Variants in ZNF740 observed in about 807,000 individuals in gnomAD.
ZNF740 encodes oriLyt TD-element-binding protein 7.
A neutral mutation model predicts 24.8 loss-of-function variants in ZNF740; 14 were observed. The ratio of observed to expected loss-of-function variants is 0.56; its 90% CI spans 0.37 to 0.88. ZNF740 has a LOEUF of 0.88. Among genes scored for constraint, ZNF740 ranks in the 40% least tolerant of loss-of-function variants. ZNF740 has a pLI of 0.00. For synonymous variants in ZNF740, 69 were observed against 84.0 expected (o/e 0.82, Z 0.98); for missense variants, 201 against 247.9 (o/e 0.81, Z 1.27).
Position 53,194,539 on chromosome 12 carries a change from G to A in ZNF740, c.*6949G>A. 1.8e-6 allele frequency: 1 copy of A among 562,192 alleles called. No homozygotes were observed. Among genetic ancestry groups the A allele is most frequent in the Admixed American group, 3.1e-5 (1 of 32,758 alleles). 34.8% of individuals were successfully genotyped at this position (562,192 alleles called of 1,614,324 possible). A position where few individuals can be genotyped will look rare whatever the true frequency, so the allele number is the denominator to read the frequency against. On this transcript the variant is annotated 3_prime_UTR_variant, in exon 7 of 7. Coordinates refer to ENST00000416904, the MANE Select transcript of ZNF740 (RefSeq NM_001004304.4). ...CCTTGCATAGAACATACAGGATCCA[G>A]AGGCCTCTAATACAGCATTTCAGTG...
At position 53,190,190 on chromosome 12, in the gene ZNF740, A is replaced by C. The variant is rs1941903616; in HGVS notation, c.*2600A>C. The C allele has an allele frequency of 6.6e-6, 1 of 152,646 alleles. No homozygotes were observed. The highest frequency in any genetic ancestry group is 1.9e-4 in the East Asian group (1 of 5,188). The allele number at this position is 152,646 out of a possible 1,614,324, so 9.5% of individuals were successfully genotyped here. A position where few individuals can be genotyped will look rare whatever the true frequency, so the allele number is the denominator to read the frequency against. On this transcript the variant is annotated 3_prime_UTR_variant, in exon 7 of 7. Coordinates refer to ENST00000416904, the MANE Select transcript of ZNF740 (RefSeq NM_001004304.4). ...TGAGAAGAGAGGCGCAAAGCAGTGA[A>C]AGGAGTGATTTGGCATCCAGAGGGC...
intron 6 of ZNF740, among the ~76,000 whole-genome samples, chr12:53,187,234 G>C (rs537400983): frequency 6.6e-6 from 1 of 152,166 alleles, no homozygotes; most frequent in African/African-American, 2.4e-5. Flanking sequence ...TTTTAGCCTC[G>C]CTTTGCAGTT....
At position 53,193,606 on chromosome 12, in the gene ZNF740, G is replaced by A. The variant is rs907534120; in HGVS notation, c.*6016G>A. On this transcript the variant is annotated 3_prime_UTR_variant, in exon 7 of 7. Coordinates refer to ENST00000416904, the MANE Select transcript of ZNF740 (RefSeq NM_001004304.4). Reference sequence around the variant, plus strand: ...AAACTGAGTGGGGAGTCGGGATGTCGAGGAGACTCCTGTGGGGGGGATGGA... The same window carrying A: ...AAACTGAGTGGGGAGTCGGGATGTCAAGGAGACTCCTGTGGGGGGGATGGA... 19 of 1,060,664 alleles carry A rather than the reference G, an allele frequency of 1.8e-5. No homozygotes were observed. The South Asian group carries it at 2.3e-4, about 13-fold the overall frequency. 65.7% of individuals were successfully genotyped at this position (1,060,664 alleles called of 1,614,324 possible).
rs1029470975 is a variant in ZNF740, at chr12:53,189,493, TA to T, written c.*1904del. 18 of 152,140 alleles carry T rather than the reference TA, an allele frequency of 1.2e-4. No individual in the cohort carries two copies. Among genetic ancestry groups the T allele is most frequent in the African/African-American group, 4.3e-4 (18 of 41,436 alleles). The allele number at this position is 152,140 out of a possible 1,614,324, so 9.4% of individuals were successfully genotyped here. ...GAGGGGGTTGTCCATACCTCTGTGG[TA>T]TGAGTATTTCAGGGAAAAAGAAAGC... On this transcript the variant is annotated 3_prime_UTR_variant, in exon 7 of 7. Coordinates refer to ENST00000416904, the MANE Select transcript of ZNF740 (RefSeq NM_001004304.4).
Position 53,184,950 on chromosome 12 carries a change from CAAG to C in ZNF740, c.74_76del (p.Lys25del). On this transcript the variant is annotated inframe_deletion, in exon 3 of 7. Transcript: ENST00000416904. ...TGAGTTTGGTTCCCACTGCAGCCAG[CAAG>C]AAGATGATGCTGAGCCAGATTGCCA... The C allele has an allele frequency of 4.3e-6, 7 of 1,613,990 alleles. No homozygotes were observed. The highest frequency in any genetic ancestry group is 5.9e-6 in the Non-Finnish European group (7 of 1,179,894).
intron 6 of ZNF740, 52 bp from the exon 7 acceptor site, chr12:53,187,449 A>G: frequency 4.0e-6 from 6 of 1,502,340 alleles, no homozygotes; most frequent in Non-Finnish European, 5.5e-6. Flanking sequence ...GAGTTAGCCA[A>G]CAGGTAGCTG....
At position 53,192,003 on chromosome 12, in the gene ZNF740, C is replaced by T. The variant is rs140105532; in HGVS notation, c.*4413C>T. On this transcript the variant is annotated 3_prime_UTR_variant, in exon 7 of 7. Transcript: ENST00000416904. Reference sequence around the variant, plus strand: ...CTACGCAGCCCAGCACAATGGCCTGCGTGTGGTCTGCTCCCTCTGTGAACA... The same window carrying T: ...CTACGCAGCCCAGCACAATGGCCTGTGTGTGGTCTGCTCCCTCTGTGAACA... The T allele has an allele frequency of 1.6e-4, 265 of 1,612,882 alleles. No homozygotes were observed. The African/African-American group carries it at 2.5e-3, about 15-fold the overall frequency.
chr12:53,184,144 T>TGTGTGTGTGC (rs1555175883), intron 2 of ZNF740, among the ~76,000 whole-genome samples: 2 of 105,150 alleles, frequency 1.9e-5, no homozygotes, highest in Non-Finnish European at 4.1e-5. Flanking sequence ...TGTGTGTGTG[T>TGTGTGTGTGC]GTGTGTGCGC....
intron 2 of ZNF740, 196 bp downstream of exon 2, chr12:53,182,188 GAGGTA>G (rs1565688290): frequency 2.9e-6 from 2 of 699,124 alleles, no homozygotes; most frequent in African/African-American, 3.6e-5. Context: ...TCAAATGAAG[GAGGTA>G]GGCTATACTG....
In ZNF740 at chr12:53,193,009, T is replaced by G; in HGVS notation, c.*5419T>G. ...CCACGCATCCAATCTTTTTGAAGTA[T>G]GCCAACCACACCCTCTAACCCATAC... is the stretch of plus-strand genomic sequence containing the variant. On this transcript the variant is annotated 3_prime_UTR_variant, in exon 7 of 7. Transcript: ENST00000416904. 1 of 1,381,140 alleles carries G rather than the reference T, an allele frequency of 7.2e-7. No homozygotes were observed. Among genetic ancestry groups the G allele is most frequent in the South Asian group, 1.2e-5 (1 of 80,348 alleles). 85.6% of individuals were successfully genotyped at this position (1,381,140 alleles called of 1,614,324 possible).
chr12:53,195,098 A>G lies in ZNF740; in HGVS notation c.*7508A>G. 2.1e-6 allele frequency: 1 copy of G among 482,096 alleles called. No homozygotes were observed. The highest frequency in any genetic ancestry group is 3.8e-6 in the Non-Finnish European group (1 of 264,630). 29.9% of individuals were successfully genotyped at this position (482,096 alleles called of 1,614,324 possible). On this transcript the variant is annotated 3_prime_UTR_variant, in exon 7 of 7. Transcript: ENST00000416904. The stretch of plus-strand genomic sequence containing the variant: ...GAAGTAGCAAACAGTATGTACACCT[A>G]GGATGGTGGGCGCATGAAATAAAAG...
Position 53,184,114 on chromosome 12 carries a change from G to GGTGTGTGTGTGTGTGTGTGTGT in ZNF740, c.10-761_10-740dup, listed in dbSNP as rs754768891. Among the ~76,000 whole-genome samples, 125 of 123,554 alleles carry GGTGTGTGTGTGTGTGTGTGTGT rather than the reference G, an allele frequency of 1.0e-3. 1 individual carries two copies. Among genetic ancestry groups the GGTGTGTGTGTGTGTGTGTGTGT allele is most frequent in the East Asian group, 8.5e-3 (33 of 3,880 alleles). The allele number at this position is 123,554 out of a possible 152,430, so 81.1% of individuals were successfully genotyped here. On this transcript the variant is annotated intron_variant, in intron 2 of 6. Transcript: ENST00000416904. ...TCAAAAGTGGGCTCTGAAGCTAAGG[G>GGTGTGTGTGTGTGTGTGTGTGT]GTGTGTGTGTGTGTGTGTGTGTGTG...
Position 53,187,873 on chromosome 12 carries a change from C to T in ZNF740, c.*283C>T. On this transcript the variant is annotated 3_prime_UTR_variant, in exon 7 of 7. Transcript: ENST00000416904. The stretch of plus-strand genomic sequence containing the variant: ...AGGTCATAGGTGGGGACTCAAGGTA[C>T]AGGACCAAGACTGAAGTGTGGCTCC... The T allele has an allele frequency of 2.3e-6, 1 of 427,408 alleles. No individual in the cohort carries two copies. Among genetic ancestry groups the T allele is most frequent in the South Asian group, 2.6e-5 (1 of 38,614 alleles). 26.5% of individuals were successfully genotyped at this position (427,408 alleles called of 1,614,324 possible).
Position 53,187,552 on chromosome 12 carries a change from T to G in ZNF740, c.544T>G (p.Cys182Gly). 6.2e-7 allele frequency: 1 copy of G among 1,614,040 alleles called. No homozygotes were observed. ...CAGACACAAACGGATGTGCCAAGGG[T>G]GCCAGTCCAAGACTTCCGACGGGCA... ...LLRHKRMCQG[C>G]QSKTSDGQFS... Residue 182 changes from cysteine (C) to glycine (G), a missense_variant, in exon 7 of 7, where the codon TGC becomes GGC. Cys to Gly is a radical substitution (Grantham distance 159). This residue lies in a region of ZNF740 where 24 missense variants were observed against 17.8 expected (regional missense o/e 1.35). Coordinates refer to ENST00000416904, the MANE Select transcript of ZNF740 (RefSeq NM_001004304.4).
intron 1 of ZNF740, chr12:53,181,253 G>T (rs1314930506): frequency 1.2e-5 from 12 of 985,340 alleles, no homozygotes; most frequent in South Asian, 4.7e-5. Flanking sequence ...GAACGCACAC[G>T]TGTGGGCACT....
intron 1 of ZNF740, chr12:53,181,102 ACT>A: frequency 2.1e-6 from 2 of 938,902 alleles, no homozygotes; most frequent in East Asian, 1.2e-4. Context: ...GCTTCTCGGC[ACT>A]CTCCGGCTCT....
intron 2 of ZNF740, chr12:53,182,317 T>C: frequency 3.9e-6 from 1 of 258,096 alleles, no homozygotes; most frequent in Non-Finnish European, 7.3e-6. Flanking sequence ...CTTCTTTTGT[T>C]TTTTTCCAAC....
Position 53,187,754 on chromosome 12 carries a change from C to G in ZNF740, c.*164C>G, listed in dbSNP as rs1366022067. The G allele has an allele frequency of 3.3e-6, 2 of 607,240 alleles. No individual in the cohort carries two copies. Among genetic ancestry groups the G allele is most frequent in the African/African-American group, 1.9e-5 (1 of 53,650 alleles). The allele number at this position is 607,240 out of a possible 1,614,324, so 37.6% of individuals were successfully genotyped here. ...GCATCAGGGGACAGTGGCCCCAGAA[C>G]CTCAGCTCTGTAAATAATCTGAGAC... On this transcript the variant is annotated 3_prime_UTR_variant, in exon 7 of 7. Coordinates refer to ENST00000416904, the MANE Select transcript of ZNF740 (RefSeq NM_001004304.4).
rs760633718 is a variant in ZNF740 at position 53,185,033 on chromosome 12, C to T, written c.152C>T (p.Ser51Leu). The change falls in exon 3 of 7, where the codon TCG becomes TTG. Residue 51 changes from serine to leucine, a missense_variant. Around this residue, in one of 3 missense-constraint regions of ZNF740, gnomAD observed 117 missense variants for 122.3 expected, o/e 0.96. Coordinates refer to ENST00000416904, the MANE Select transcript of ZNF740 (RefSeq NM_001004304.4). ...RAGSPDVLRC[S>L]SQGHRKDSDK... is the part of the protein sequence containing the mutation. Reference sequence around the variant, plus strand: ...GGTAGCCCTGATGTGCTGAGGTGCTCGAGTCAGGTACAGCGCTTGAGTCCA... The same window carrying T: ...GGTAGCCCTGATGTGCTGAGGTGCTTGAGTCAGGTACAGCGCTTGAGTCCA... The T allele has an allele frequency of 1.2e-6, 2 of 1,613,814 alleles. No homozygotes were observed. The highest frequency in any genetic ancestry group is 1.7e-6 in the Non-Finnish European group (2 of 1,179,862).
Sources: allele counts gnomAD v4.1 joint callset (sites outside exome capture counted in the v4.1 genomes callset), GRCh38; gene constraint gnomAD v4.1.1; regional missense constraint gnomAD v4.1.1; transcripts MANE v1.5; gene names NCBI Gene and HGNC (gene_info 2026-07-23, HGNC 2026-07-21).